The following SNX3 variants were observed in gnomAD, a reference collection of about 807,000 sequenced individuals.
The protein encoded by SNX3 is sorting nexin 3.
A neutral mutation model predicts 17.7 loss-of-function variants in SNX3; 5 were observed. The observed-to-expected ratio is 0.28, with a 90% CI of 0.15 to 0.59. The LOEUF is 0.59. Among genes scored for constraint, SNX3 ranks in the 20% least tolerant of loss-of-function variants. The pLI is 0.88. For missense variants in SNX3, 132 were observed against 206.8 expected (o/e 0.64, Z 2.22); for synonymous variants, 91 against 76.5 (o/e 1.19, Z -0.99).
chr6:108,244,806 A>C (rs1775634782), intron 1 of SNX3, among the ~76,000 whole-genome samples: 1 of 151,390 alleles, frequency 6.6e-6, no homozygotes, highest in Non-Finnish European at 1.5e-5. Flanking sequence ...TGCCCAGCTA[A>C]TTTTTTGTGT....
At chr6:108,225,849 TAAG>T (rs1208772697) in intron 1 of SNX3, among the ~76,000 whole-genome samples, 1 of 151,638 alleles carries the variant, frequency 6.6e-6, no homozygotes, top group Admixed American at 6.6e-5. Flanking sequence ...CTGGGAAACA[TAAG>T]AAGATTCCAT....
At chr6:108,228,596 A>G (rs955333554) in intron 1 of SNX3, among the ~76,000 whole-genome samples, 2 of 152,046 alleles carry the variant, frequency 1.3e-5, no homozygotes, top group Non-Finnish European at 2.9e-5. Flanking sequence ...TAGTGGGAAG[A>G]TAAGGTGTCA....
At chr6:108,230,703 C>G (rs539214804) in intron 1 of SNX3, among the ~76,000 whole-genome samples, 5 of 152,254 alleles carry the variant, frequency 3.3e-5, no homozygotes, top group Non-Finnish European at 7.4e-5. Flanking sequence ...GACAGAGGCT[C>G]AAATAATCTG....
intron 1 of SNX3, among the ~76,000 whole-genome samples, chr6:108,253,778 G>A (rs1483893898): frequency 6.6e-6 from 1 of 152,006 alleles, no homozygotes; most frequent in Non-Finnish European, 1.5e-5. Flanking sequence ...AGCATGATAA[G>A]CAGCAGGAGA....
intron 1 of SNX3, among the ~76,000 whole-genome samples, chr6:108,244,653 T>A (rs1195886496): frequency 7.1e-6 from 1 of 139,898 alleles, no homozygotes; most frequent in Non-Finnish European, 1.6e-5. Flanking sequence ...AGGAGTTTTT[T>A]TTTTTTTTTT....
At position 108,260,802 on chromosome 6, in the gene SNX3, C is replaced by A; in HGVS notation, c.120G>T (p.Gly40=). 6.2e-7 allele frequency: 1 copy of A among 1,613,904 alleles called. No homozygotes were observed. Among genetic ancestry groups the A allele is most frequent in the Non-Finnish European group, 8.5e-7 (1 of 1,179,876 alleles). Residue 40 remains glycine, a synonymous_variant, in exon 1 of 4, where the codon GGG becomes GGT. Coordinates refer to ENST00000230085, the MANE Select transcript of SNX3 (RefSeq NM_003795.6). ...EIDVSNPQTV[G]VGRGRFTTYE... is the part of the protein sequence containing the mutation. The stretch of plus-strand genomic sequence containing the variant: ...AAGTGGTGAAGCGGCCCCGGCCGAC[C>A]CCCACCGTTTGCGGGTTGCTCACAT...
chr6:108,237,530 A>T (rs1002281999), intron 1 of SNX3, among the ~76,000 whole-genome samples: 3 of 152,224 alleles, frequency 2.0e-5, no homozygotes, highest in Non-Finnish European at 4.4e-5. Context: ...TCACGCCTGT[A>T]ATCTCAGCAC....
intron 1 of SNX3, chr6:108,252,097 A>AAAT (rs1197921505): frequency 5.9e-5 from 9 of 151,506 alleles, no homozygotes; most frequent in African/African-American, 2.2e-4. Context: ...CAAACAAACA[A>AAAT]ACAAAAAAAT....
intron 1 of SNX3, among the ~76,000 whole-genome samples, chr6:108,226,236 G>T (rs1334951084): frequency 6.6e-6 from 1 of 151,960 alleles, no homozygotes; most frequent in Admixed American, 6.6e-5. Flanking sequence ...CATCACATCT[G>T]GCTAATTTTT....
intron 2 of SNX3, among the ~76,000 whole-genome samples, chr6:108,221,445 G>A (rs1307169269): frequency 2.0e-5 from 3 of 148,672 alleles, no homozygotes; most frequent in African/African-American, 7.4e-5. Flanking sequence ...CACAAAGGAC[G>A]AGCTAAAATG....
intron 1 of SNX3, among the ~76,000 whole-genome samples, chr6:108,246,845 C>G (rs1490212654): frequency 6.6e-6 from 1 of 152,074 alleles, no homozygotes; most frequent in Non-Finnish European, 1.5e-5. Flanking sequence ...GTAGCTAAGA[C>G]TACAGGCTCA....
intron 1 of SNX3, among the ~76,000 whole-genome samples, chr6:108,249,152 G>A (rs1188237927): frequency 6.6e-6 from 1 of 152,054 alleles, no homozygotes; most frequent in Non-Finnish European, 1.5e-5. Flanking sequence ...TTGAGCTCAC[G>A]AGCTCAAGAC....
intron 1 of SNX3, among the ~76,000 whole-genome samples, chr6:108,258,780 AC>A (rs1481913482): frequency 6.6e-6 from 1 of 152,078 alleles, no homozygotes; most frequent in Non-Finnish European, 1.5e-5. Flanking sequence ...AAGTGCTGGG[AC>A]TAGAGGCATG....
intron 2 of SNX3, among the ~76,000 whole-genome samples, chr6:108,215,039 C>A (rs1302213796): frequency 6.6e-6 from 1 of 152,220 alleles, no homozygotes; most frequent in African/African-American, 2.4e-5. Flanking sequence ...GTTCTCTCTG[C>A]AACATGGTTA....
chr6:108,248,768 C>CT lies in SNX3; in HGVS notation c.162+11991dup, dbSNP rs550347668. Among the ~76,000 whole-genome samples, 160 of 148,940 alleles carry CT rather than the reference C, an allele frequency of 1.1e-3. 2 individuals are homozygous for CT. Among genetic ancestry groups the CT allele is most frequent in the Middle Eastern group, 3.4e-3 (1 of 294 alleles). ...AATTTTCAACTTAATTCCTTCCTTT[C>CT]TTTTTTTTTTGAGACGGGGTCTCAC... is the stretch of plus-strand genomic sequence containing the variant. On this transcript the variant is annotated intron_variant, in intron 1 of 3. Transcript: ENST00000230085.
chr6:108,259,220 T>C (rs867443183), intron 1 of SNX3, among the ~76,000 whole-genome samples: 2 of 152,132 alleles, frequency 1.3e-5, no homozygotes, highest in Non-Finnish European at 2.9e-5. Context: ...TGACAACATA[T>C]CCTATGATTC....
intron 1 of SNX3, among the ~76,000 whole-genome samples, chr6:108,234,176 TTGAA>T (rs1429734906): frequency 2.0e-5 from 3 of 151,898 alleles, no homozygotes; most frequent in African/African-American, 7.3e-5. Flanking sequence ...TCTTTGATGT[TTGAA>T]TGAAAGGGTG....
Position 108,260,800 on chromosome 6 carries a change from A to G in SNX3, c.122T>C (p.Val41Ala), listed in dbSNP as rs749698024. The G allele has an allele frequency of 6.2e-7, 1 of 1,613,282 alleles. No individual in the cohort carries two copies. The highest frequency in any genetic ancestry group is 8.5e-7 in the Non-Finnish European group (1 of 1,179,730). Residue 41 changes from valine (V) to alanine (A), a missense_variant, in exon 1 of 4, where the codon GTC (valine) becomes GCC (alanine). By Grantham distance (64) the Val-to-Ala change is moderately conservative. Coordinates refer to ENST00000230085, the MANE Select transcript of SNX3 (RefSeq NM_003795.6). Reference protein sequence around the residue: ...IDVSNPQTVGVGRGRFTTYEI... With the variant: ...IDVSNPQTVGAGRGRFTTYEI... Reference sequence around the variant, plus strand: ...GTAAGTGGTGAAGCGGCCCCGGCCGACCCCCACCGTTTGCGGGTTGCTCAC... The same window carrying G: ...GTAAGTGGTGAAGCGGCCCCGGCCGGCCCCCACCGTTTGCGGGTTGCTCAC...
intron 1 of SNX3, 33 bp from the exon 2 acceptor site, chr6:108,223,078 C>G: frequency 1.6e-6 from 2 of 1,217,512 alleles, no homozygotes; most frequent in Non-Finnish European, 2.4e-6. Context: ...TAAATTGAAG[C>G]ACATTAAGGA....
Sources: gnomAD v4.1 joint callset for allele counts (sites outside exome capture counted in the v4.1 genomes callset) on GRCh38, gnomAD v4.1.1 for gene constraint, MANE v1.5 for transcripts, NCBI Gene and HGNC (gene_info 2026-07-23, HGNC 2026-07-21) for gene names.